Variants in DISP1 observed in about 807,000 individuals in gnomAD.
DISP1 encodes the protein protein dispatched homolog 1.
Under a neutral mutation model 37.3 loss-of-function variants are expected in DISP1, and 30 were observed. The observed-to-expected ratio is 0.80, with a 90% CI of 0.60 to 1.09. The LOEUF (loss-of-function observed/expected upper bound fraction) is 1.09, where lower values mean the gene tolerates loss of function less well. Ranked by LOEUF, DISP1 falls within the 50% of genes least tolerant of loss-of-function variation. The probability of loss-of-function intolerance (pLI) is 0.00; values close to 1 mark genes in which losing one functional copy is unlikely to be tolerated. For missense variants in DISP1, 1,598 were observed against 1,879.5 expected, an observed-to-expected ratio of 0.85 and a Z score of 2.77; for synonymous variants, 634 against 690.2, an observed-to-expected ratio of 0.92 and a Z score of 1.28.
Position 223,003,758 on chromosome 1 carries a change from C to T in DISP1, c.2361C>T (p.Ile787=), listed in dbSNP as rs766080036. 6 of 1,614,166 alleles carry T rather than the reference C, an allele frequency of 3.7e-6. No homozygotes were observed. The Admixed American group carries it at 8.3e-5, about 22-fold the overall frequency. ...VHHGEELHMP[I]TVIWGVSPED... ...ATGGCGAGGAGCTCCACATGCCCAT[C>T]ACAGTAATCTGGGGCGTGTCCCCAG... Residue 787 remains isoleucine (I), a synonymous_variant, in exon 9 of 9, where the codon ATC becomes ATT. Coordinates refer to ENST00000675850, the MANE Select transcript of DISP1 (RefSeq NM_001377229.1). This position sits in a 1 kb window ranked among gnomAD's most constrained non-coding sequence, Gnocchi z 4.3.
chr1:222,922,064 A>G (rs1311271586), intron 1 of DISP1, among the ~76,000 whole-genome samples: 1 of 141,002 alleles, frequency 7.1e-6, no homozygotes, highest in Admixed American at 7.2e-5. Context: ...AACAAAGGCC[A>G]TTGCTGGTAG....
intron 1 of DISP1, among the ~76,000 whole-genome samples, chr1:222,868,338 T>G (rs1669318111): frequency 6.7e-6 from 1 of 149,394 alleles, no homozygotes; most frequent in Non-Finnish European, 1.5e-5. Flanking sequence ...GAAACAAAAC[T>G]CTACATATAT....
rs537000781 is a variant in DISP1, at chr1:222,842,040, CTGAGGAACTGGAG to C, written c.-159+26965_-159+26977del. On this transcript the variant is annotated intron_variant, in intron 1 of 8. Transcript: ENST00000675850. The stretch of plus-strand genomic sequence containing the variant: ...CCTTATGTGCTAACTATTTTGGTAC[CTGAGGAACTGGAG>C]TGTTTCTGTTCCTTACCTTGTTTAG... Among the ~76,000 whole-genome samples the C allele has an allele frequency of 3.3e-5, 5 of 152,104 alleles. No homozygotes were observed. In the South Asian group the frequency reaches 1.0e-3, roughly 32 times the overall value.
intron 2 of DISP1, among the ~76,000 whole-genome samples, chr1:222,933,729 C>T (rs1038192974): frequency 6.6e-6 from 1 of 151,784 alleles, no homozygotes; most frequent in Admixed American, 6.6e-5. Context: ...TATAAGTATT[C>T]TCATGAAGGA....
At chr1:223,001,861 A>C (rs1242720232) in intron 8 of DISP1, among the ~76,000 whole-genome samples, 9 of 152,194 alleles carry the variant, frequency 5.9e-5, no homozygotes, top group Admixed American at 5.9e-4. Flanking sequence ...TTCTCTAGGG[A>C]ATATCATCTT....
rs1017784468 is a variant in DISP1, at chr1:222,887,488, T to G, written c.-158-40942T>G. On this transcript the variant is annotated intron_variant, in intron 1 of 8. Coordinates refer to ENST00000675850, the MANE Select transcript of DISP1 (RefSeq NM_001377229.1). ...TTTATAAATGTCACATTGTTTTTGT[T>G]TTTTTTTTTTTTTTTTTTTTTGAGA... 2.8e-5 allele frequency among the ~76,000 whole-genome samples: 3 copies of G among 105,562 alleles called. 1 individual carries two copies. The highest frequency in any genetic ancestry group is 2.7e-4 in the Admixed American group (3 of 11,156). The allele number at this position is 105,562 out of a possible 152,430, so 69.3% of individuals were successfully genotyped here. A position where few individuals can be genotyped will look rare whatever the true frequency, so the allele number is the denominator to read the frequency against.
chr1:222,836,148 G>T (rs1666970789), intron 1 of DISP1, among the ~76,000 whole-genome samples: 2 of 152,040 alleles, frequency 1.3e-5, no homozygotes, highest in African/African-American at 2.4e-5. Context: ...ATGAAATGAA[G>T]GTAAACATAA....
At chr1:222,901,654 A>C (rs938183768) in intron 1 of DISP1, among the ~76,000 whole-genome samples, 29 of 151,992 alleles carry the variant, frequency 1.9e-4, no homozygotes, top group African/African-American at 7.0e-4. Flanking sequence ...CAGCCTTCTG[A>C]GTAGCTGGGA....
At chr1:222,823,514 A>G (rs979768976) in intron 1 of DISP1, among the ~76,000 whole-genome samples, 1 of 152,162 alleles carries the variant, frequency 6.6e-6, no homozygotes, top group African/African-American at 2.4e-5. Context: ...ATAGTCATTA[A>G]AGACTGGAAA....
At chr1:222,834,527 C>T (rs952855684) in intron 1 of DISP1, among the ~76,000 whole-genome samples, 5 of 152,064 alleles carry the variant, frequency 3.3e-5, no homozygotes, top group African/African-American at 9.7e-5. Flanking sequence ...ACCATAAAGG[C>T]GTACACGAGG....
chr1:222,967,079 A>G (rs187756655), intron 3 of DISP1, among the ~76,000 whole-genome samples: 1 of 152,156 alleles, frequency 6.6e-6, no homozygotes, highest in Admixed American at 6.6e-5. Context: ...CCACCTCACC[A>G]TCTTCAAAAT....
At chr1:222,875,501 A>T (rs1033368275) in intron 1 of DISP1, among the ~76,000 whole-genome samples, 14 of 151,722 alleles carry the variant, frequency 9.2e-5, no homozygotes, top group Non-Finnish European at 1.6e-4. Flanking sequence ...TTTGAAAGGG[A>T]CAAAGAGAAT....
At chr1:222,936,821 A>C (rs1197072141) in intron 2 of DISP1, among the ~76,000 whole-genome samples, 6 of 49,902 alleles carry the variant, frequency 1.2e-4, no homozygotes, top group African/African-American at 3.9e-4. Context: ...AATTATATAT[A>C]ATATATATAA....
At chr1:222,859,185 C>T (rs1213271023) in intron 1 of DISP1, among the ~76,000 whole-genome samples, 1 of 152,162 alleles carries the variant, frequency 6.6e-6, no homozygotes, top group Non-Finnish European at 1.5e-5. Context: ...TTTGCAGAGA[C>T]ATGGATGGAG....
chr1:222,866,095 T>C (rs1172859252), intron 1 of DISP1, among the ~76,000 whole-genome samples: 2 of 152,090 alleles, frequency 1.3e-5, no homozygotes, highest in Non-Finnish European at 2.9e-5. Context: ...CTGCTTACTC[T>C]TTTCCTCCTT....
intron 3 of DISP1, among the ~76,000 whole-genome samples, chr1:222,974,861 T>C (rs1472470925): frequency 6.6e-6 from 1 of 152,238 alleles, no homozygotes; most frequent in Non-Finnish European, 1.5e-5. Flanking sequence ...GTTGGGAATC[T>C]TTTAAAGAAT....
chr1:222,944,529 C>G (rs1674622439), intron 3 of DISP1, among the ~76,000 whole-genome samples: 1 of 152,144 alleles, frequency 6.6e-6, no homozygotes, highest in Non-Finnish European at 1.5e-5. Context: ...ATTAATTATT[C>G]AGTTCGATCA....
At position 223,002,437 on chromosome 1, in the gene DISP1, C is replaced by T; in HGVS notation, c.1040C>T (p.Ser347Phe). 6.2e-7 allele frequency: 1 copy of T among 1,614,128 alleles called. No individual in the cohort carries two copies. Among genetic ancestry groups the T allele is most frequent in the Admixed American group, 1.7e-5 (1 of 60,022 alleles). Residue 347 changes from serine (S) to phenylalanine (F), a missense_variant, in exon 9 of 9, where the codon TCC becomes TTC. Coordinates refer to ENST00000675850, the MANE Select transcript of DISP1 (RefSeq NM_001377229.1). ...GDLCQRTTAA[S>F]CCPSWTLGNY... ...CTCTGCCAGAGGACCACTGCTGCCTCCTGCTGCCCCAGCTGGACACTGGGA... is the reference window on the plus strand; with the variant it reads ...CTCTGCCAGAGGACCACTGCTGCCTTCTGCTGCCCCAGCTGGACACTGGGA...
rs372663020 is a variant in DISP1, at chr1:222,952,068, G to A, written c.509+8736G>A. 1.2e-4 allele frequency among the ~76,000 whole-genome samples: 19 copies of A among 152,202 alleles called. 1 individual carries two copies. Among genetic ancestry groups the A allele is most frequent in the African/African-American group, 4.6e-4 (19 of 41,542 alleles). On this transcript the variant is annotated intron_variant, in intron 3 of 8. Transcript: ENST00000675850. ...ACCATTGAAAGATTGATTACTAATAGTGAAACAATCATTTCTCTTTATTTT... is the reference window on the plus strand; with the variant it reads ...ACCATTGAAAGATTGATTACTAATAATGAAACAATCATTTCTCTTTATTTT...
Sources: allele counts gnomAD v4.1 joint callset (sites outside exome capture counted in the v4.1 genomes callset), GRCh38; gene constraint gnomAD v4.1.1; non-coding constraint Gnocchi (gnomAD v3.1); transcripts MANE v1.5; gene names NCBI Gene and HGNC (gene_info 2026-07-23, HGNC 2026-07-21).